Variants in TPP2 observed in about 807,000 individuals in gnomAD.
TPP2 encodes tripeptidyl-peptidase 2.
In TPP2, 34 loss-of-function variants were observed where a neutral mutation model predicts 155.9. That is an observed-to-expected ratio of 0.22 (90% CI 0.17 to 0.29). The LOEUF (loss-of-function observed/expected upper bound fraction) is 0.29, where lower values mean the gene tolerates loss of function less well. TPP2 is among the 10% of genes least tolerant of loss of function. TPP2 has a pLI of 1.00. For synonymous variants in TPP2, 510 were observed against 529.4 expected, an observed-to-expected ratio of 0.96 and a Z score of 0.50; for missense variants, 1,028 against 1,522.3, an observed-to-expected ratio of 0.68 and a Z score of 5.40.
intron 27 of TPP2, 117 bp from the exon 28 acceptor site, chr13:102,674,166 C>A: frequency 9.4e-7 from 1 of 1,059,172 alleles, no homozygotes; most frequent in Non-Finnish European, 1.3e-6. Context: ...CCTGGATATA[C>A]AGTATTTCTG....
chr13:102,645,861 G>A (rs1351674751), intron 19 of TPP2, among the ~76,000 whole-genome samples: 2 of 152,236 alleles, frequency 1.3e-5, no homozygotes, highest in African/African-American at 4.8e-5. Flanking sequence ...GAGGAGGGCT[G>A]AGTGTGGCCC....
At chr13:102,669,741 A>G (rs968443782) in intron 27 of TPP2, among the ~76,000 whole-genome samples, 1 of 149,084 alleles carries the variant, frequency 6.7e-6, no homozygotes, top group Admixed American at 6.6e-5. Flanking sequence ...GGAAACATTG[A>G]TGCGAATGGG....
chr13:102,627,629 TG>T (rs58796232), intron 7 of TPP2, among the ~76,000 whole-genome samples: 15,372 of 149,908 alleles, frequency 0.1, 1,245 homozygotes, highest in African/African-American at 0.23. Context: ...GCTAGTTTTT[TG>T]TTTTTTTTTT....
chr13:102,670,265 A>G (rs1312033209), intron 27 of TPP2, among the ~76,000 whole-genome samples: 2 of 152,152 alleles, frequency 1.3e-5, no homozygotes, highest in Non-Finnish European at 2.9e-5. Context: ...GGCATGTTCT[A>G]TATGGCCTTT....
chr13:102,627,085 T>G lies in TPP2; in HGVS notation c.858T>G (p.Ala286=), dbSNP rs992675210. 10 of 1,599,648 alleles carry G rather than the reference T, an allele frequency of 6.3e-6. No individual in the cohort carries two copies. In the Admixed American group the frequency reaches 1.2e-4, roughly 19 times the overall value. Residue 286 remains alanine (A), a synonymous_variant, in exon 7 of 30, where the codon GCT becomes GCG. Transcript: ENST00000376052. ...AAGAACCTGAACGGAATGGGGTAGC[T>G]CCTGGTGCTCAAATTCTTTCCATCA... ...FPEEPERNGV[A]PGAQILSIKI...
In TPP2 at chr13:102,678,212, TG is replaced by T; in HGVS notation, c.3700-14del. ...CACTTCCTTTATAATAATATATTAT[TG>T]TATTTTGTTGTAGCTGATGAAGTTA... On this transcript the variant is annotated splice_polypyrimidine_tract_variant and intron_variant, in intron 29 of 29. Coordinates refer to ENST00000376052, the MANE Select transcript of TPP2 (RefSeq NM_001330588.2). 1 of 1,597,254 alleles carries T rather than the reference TG, an allele frequency of 6.3e-7. No individual in the cohort carries two copies. The highest frequency in any genetic ancestry group is 1.1e-5 in the South Asian group (1 of 87,614).
chr13:102,604,733 A>G (rs1879692189), intron 1 of TPP2, 60 bp from the exon 2 acceptor site: 13 of 1,548,434 alleles, frequency 8.4e-6, no homozygotes, highest in Admixed American at 5.9e-5. Flanking sequence ...GTGGATTTGC[A>G]TTGTTTAGGA....
intron 24 of TPP2, among the ~76,000 whole-genome samples, chr13:102,655,840 T>C (rs1173931375): frequency 6.6e-6 from 1 of 152,088 alleles, no homozygotes; most frequent in African/African-American, 2.4e-5. Context: ...GTTGATCATT[T>C]TCTCTTTCTT....
chr13:102,599,636 G>T (rs912923529), intron 1 of TPP2, among the ~76,000 whole-genome samples: 1 of 152,192 alleles, frequency 6.6e-6, no homozygotes, highest in African/African-American at 2.4e-5. Context: ...TTTGTGACAG[G>T]TCTGTGGGCA....
chr13:102,627,306 T>A (rs889963248), intron 7 of TPP2, 140 bp downstream of exon 7: 3 of 629,358 alleles, frequency 4.8e-6, no homozygotes, highest in Non-Finnish European at 6.8e-6. Context: ...GCAAAAATAT[T>A]TACTAATTTA....
At chr13:102,654,844 G>A in intron 24 of TPP2, 1 of 420,170 alleles carries the variant, frequency 2.4e-6, no homozygotes, top group Non-Finnish European at 4.8e-6. Flanking sequence ...AGAACTTGGT[G>A]GTAGAAGATC....
At chr13:102,674,136 GTACAA>G (rs1885158573) in intron 27 of TPP2, 142 bp from the exon 28 acceptor site, 4 of 800,338 alleles carry the variant, frequency 5.0e-6, no homozygotes, top group Non-Finnish European at 7.7e-6. Context: ...CATATTTGAT[GTACAA>G]TACAATTGTA....
intron 1 of TPP2, among the ~76,000 whole-genome samples, chr13:102,598,278 A>C (rs1452202006): frequency 6.6e-6 from 1 of 152,100 alleles, no homozygotes; most frequent in East Asian, 1.9e-4. Context: ...TGGCTATCTT[A>C]TCCTCCTTTC....
intron 2 of TPP2, among the ~76,000 whole-genome samples, chr13:102,609,148 T>A (rs770095866): frequency 6.6e-6 from 1 of 152,178 alleles, no homozygotes; most frequent in African/African-American, 2.4e-5. Context: ...TCATGCAGAC[T>A]CATTTTTATG....
intron 2 of TPP2, 124 bp from the exon 3 acceptor site, chr13:102,613,977 A>G (rs1880518361): frequency 6.9e-6 from 5 of 722,882 alleles, no homozygotes; most frequent in South Asian, 6.2e-5. Flanking sequence ...GTTGTTGTAC[A>G]TGAGCATCCT....
intron 2 of TPP2, among the ~76,000 whole-genome samples, chr13:102,613,790 A>G (rs1880496025): frequency 6.6e-6 from 1 of 152,236 alleles, no homozygotes; most frequent in African/African-American, 2.4e-5. Flanking sequence ...AAACACTTTG[A>G]GATCGTTTAA....
At chr13:102,648,042 T>G (rs1883241502) in intron 21 of TPP2, among the ~76,000 whole-genome samples, 1 of 152,216 alleles carries the variant, frequency 6.6e-6, no homozygotes, top group African/African-American at 2.4e-5. Flanking sequence ...CATTACAGAC[T>G]GGCCTACTGC....
Position 102,649,589 on chromosome 13 carries a change from A to G in TPP2, c.2952+103A>G, listed in dbSNP as rs1446513185. On this transcript the variant is annotated intron_variant, in intron 23 of 29. Coordinates refer to ENST00000376052, the MANE Select transcript of TPP2 (RefSeq NM_001330588.2). ...TTTCAGAATGGATAAAAGAGAAGAT[A>G]TACTCTTGGGGAAAAAAATTTAATC... 4.9e-6 allele frequency: 5 copies of G among 1,023,008 alleles called. No individual in the cohort carries two copies. The East Asian group carries it at 1.1e-4, about 22-fold the overall frequency. The allele number at this position is 1,023,008 out of a possible 1,614,324, so 63.4% of individuals were successfully genotyped here.
chr13:102,675,831 C>A (rs569270030), intron 28 of TPP2, among the ~76,000 whole-genome samples: 11 of 152,006 alleles, frequency 7.2e-5, no homozygotes, highest in Non-Finnish European at 1.3e-4. Context: ...AAAGTAGAGA[C>A]CAAAAATATA....
Sources: gnomAD v4.1 joint callset for allele counts (sites outside exome capture counted in the v4.1 genomes callset) on GRCh38, gnomAD v4.1.1 for gene constraint, MANE v1.5 for transcripts, NCBI Gene and HGNC (gene_info 2026-07-23, HGNC 2026-07-21) for gene names.